Variants in ATP11A observed in about 807,000 individuals in gnomAD.
ATP11A encodes phospholipid-transporting ATPase IH.
Under a neutral mutation model 154.4 loss-of-function variants are expected in ATP11A, and 81 were observed. The observed-to-expected ratio is 0.52, with a 90% CI of 0.44 to 0.63. The LOEUF is 0.63. Among genes scored for constraint, ATP11A ranks in the 30% least tolerant of loss-of-function variants. The probability of loss-of-function intolerance (pLI) is 0.00; values close to 1 mark genes in which losing one functional copy is unlikely to be tolerated. For synonymous variants in ATP11A, 623 were observed against 585.9 expected, an observed-to-expected ratio of 1.06 and a Z score of -0.91; for missense variants, 1,316 against 1,474.3, an observed-to-expected ratio of 0.89 and a Z score of 1.76.
At chr13:112,798,821 G>A (rs2140107937) in intron 2 of ATP11A, among the ~76,000 whole-genome samples, 1 of 152,280 alleles carries the variant, frequency 6.6e-6, no homozygotes, top group Non-Finnish European at 1.5e-5. Context: ...TATTAATCCA[G>A]CTATATTAAT....
chr13:112,879,928 A>G (rs2080836176), intron 29 of ATP11A, among the ~76,000 whole-genome samples: 2 of 152,206 alleles, frequency 1.3e-5, no homozygotes, highest in African/African-American at 4.8e-5. Flanking sequence ...GCGTATCTGC[A>G]TGCAGTTCAC....
chr13:112,871,736 TATTTGGAAACTGGAC>T lies in ATP11A; in HGVS notation c.2994_3008del (p.Ile998_Thr1003delinsMet), dbSNP rs769437950. 1.9e-6 allele frequency: 3 copies of T among 1,613,626 alleles called. No homozygotes were observed. Among genetic ancestry groups the T allele is most frequent in the South Asian group, 2.2e-5 (2 of 91,066 alleles). On this transcript the variant is annotated inframe_deletion and splice_region_variant, in exon 26 of 30. Coordinates refer to ENST00000375645, the MANE Select transcript of ATP11A (RefSeq NM_015205.3). ...ACTTGGACTATTTTCCCCAAACAGATATTTGGAAACTGGACGTTTGGAACGCTGGTATTCACCGTG... is the reference window on the plus strand; with the variant it reads ...ACTTGGACTATTTTCCCCAAACAGATGTTTGGAACGCTGGTATTCACCGTG...
Position 112,875,692 on chromosome 13 carries a change from G to T in ATP11A, c.3162-84G>T, listed in dbSNP as rs2080700159. 6.8e-7 allele frequency: 1 copy of T among 1,471,692 alleles called. No homozygotes were observed. Among genetic ancestry groups the T allele is most frequent in the South Asian group, 1.3e-5 (1 of 77,980 alleles). 91.2% of individuals were successfully genotyped at this position (1,471,692 alleles called of 1,614,324 possible). ...TCACTGACAAAAGTGTAAACTCCCT[G>T]AACAGACGGCCTCTCCAGTGAGTAG... is the stretch of plus-strand genomic sequence containing the variant. On this transcript the variant is annotated intron_variant, in intron 27 of 29. Coordinates refer to ENST00000375645, the MANE Select transcript of ATP11A (RefSeq NM_015205.3). The surrounding 1 kb of genome is among the most constrained non-coding windows in gnomAD (Gnocchi z 4.1).
intron 1 of ATP11A, among the ~76,000 whole-genome samples, chr13:112,751,825 T>C (rs540641526): frequency 1.3e-5 from 2 of 152,032 alleles, no homozygotes; most frequent in South Asian, 4.2e-4. Context: ...GTTCCAGTGA[T>C]TCTCCCGCCT....
chr13:112,714,496 A>T (rs993639272), intron 1 of ATP11A, among the ~76,000 whole-genome samples: 11 of 152,052 alleles, frequency 7.2e-5, no homozygotes, highest in African/African-American at 2.7e-4. Context: ...AACCCTGCCC[A>T]GCTCTGGGCC....
rs7998551 is a variant in ATP11A at position 112,886,335 on chromosome 13, G to A, written c.*4469G>A. Reference sequence around the variant, plus strand: ...GCTGTCGCGGGAAACCTCCAGCCTTGTTCTTCAAACCACTCAGCTCATGTG... The same window carrying A: ...GCTGTCGCGGGAAACCTCCAGCCTTATTCTTCAAACCACTCAGCTCATGTG... On this transcript the variant is annotated 3_prime_UTR_variant, in exon 30 of 30. Transcript: ENST00000375645. The A allele has an allele frequency of 6.6e-6, 1 of 152,102 alleles. No individual in the cohort carries two copies. Among genetic ancestry groups the A allele is most frequent in the East Asian group, 1.9e-4 (1 of 5,192 alleles). The allele number at this position is 152,102 out of a possible 1,614,324, so 9.4% of individuals were successfully genotyped here.
intron 1 of ATP11A, among the ~76,000 whole-genome samples, chr13:112,742,971 T>C (rs753635219): frequency 6.6e-6 from 1 of 152,218 alleles, no homozygotes; most frequent in Non-Finnish European, 1.5e-5. Context: ...GATACAGAAC[T>C]CACCCTGTGA....
chr13:112,767,498 G>T (rs2077121876), intron 1 of ATP11A, among the ~76,000 whole-genome samples: 2 of 144,872 alleles, frequency 1.4e-5, no homozygotes, highest in African/African-American at 2.6e-5. Context: ...TGGAAAGGTG[G>T]GGAGGATGTA....
intron 2 of ATP11A, among the ~76,000 whole-genome samples, chr13:112,801,653 A>G (rs1451015160): frequency 6.6e-6 from 1 of 152,248 alleles, no homozygotes; most frequent in Non-Finnish European, 1.5e-5. Context: ...GAACAGTTGG[A>G]ATTTGAAATT....
intron 2 of ATP11A, among the ~76,000 whole-genome samples, chr13:112,797,464 ACC>A (rs1156322329): frequency 6.6e-6 from 1 of 152,156 alleles, no homozygotes; most frequent in Non-Finnish European, 1.5e-5. Flanking sequence ...AAAAGGGTAC[ACC>A]TAGACATATC....
chr13:112,738,786 C>T (rs1891251081), intron 1 of ATP11A, among the ~76,000 whole-genome samples: 1 of 144,154 alleles, frequency 6.9e-6, no homozygotes, highest in African/African-American at 2.5e-5. Context: ...GATGACTGTT[C>T]CCATAGAGGC....
chr13:112,752,168 A>C (rs1341947985), intron 1 of ATP11A, among the ~76,000 whole-genome samples: 1 of 152,118 alleles, frequency 6.6e-6, no homozygotes, highest in Non-Finnish European at 1.5e-5. Flanking sequence ...TTATGTCATA[A>C]ATGGCCTGCC....
chr13:112,849,654 G>T (rs2140319216), intron 17 of ATP11A, among the ~76,000 whole-genome samples: 1 of 152,314 alleles, frequency 6.6e-6, no homozygotes, highest in East Asian at 1.9e-4. Context: ...TGATCAACAG[G>T]TGCACAAAAG....
At chr13:112,713,643 T>TC (rs1594379657) in intron 1 of ATP11A, among the ~76,000 whole-genome samples, 1 of 152,192 alleles carries the variant, frequency 6.6e-6, no homozygotes, top group African/African-American at 2.4e-5. Flanking sequence ...CTTCTGAGAC[T>TC]CCATTTGTTT....
In ATP11A at chr13:112,807,950, A is replaced by G. The variant is rs747881048; in HGVS notation, c.333+1657A>G. On this transcript the variant is annotated intron_variant, in intron 4 of 29. Coordinates refer to ENST00000375645, the MANE Select transcript of ATP11A (RefSeq NM_015205.3). This position sits in a 1 kb window ranked among gnomAD's most constrained non-coding sequence, Gnocchi z 4.5. ...TGTTCTTCAGCGTCCTCTTCTCTGCATTTGTTAAGGATTCCATCCCTCCCG... is the reference window on the plus strand; with the variant it reads ...TGTTCTTCAGCGTCCTCTTCTCTGCGTTTGTTAAGGATTCCATCCCTCCCG... Among the ~76,000 whole-genome samples the G allele has an allele frequency of 6.6e-6, 1 of 152,032 alleles. No homozygotes were observed. The highest frequency in any genetic ancestry group is 1.5e-5 in the Non-Finnish European group (1 of 67,988).
At position 112,724,123 on chromosome 13, in the gene ATP11A, TCCCCCATCG is replaced by T. The variant is rs1249593075; in HGVS notation, c.39+33674_39+33682del. Among the ~76,000 whole-genome samples, 6 of 36,826 alleles carry T rather than the reference TCCCCCATCG, an allele frequency of 1.6e-4. 1 individual carries two copies. The South Asian group carries it at 3.4e-3, about 21-fold the overall frequency. 24.2% of individuals were successfully genotyped at this position (36,826 alleles called of 152,430 possible). On this transcript the variant is annotated intron_variant, in intron 1 of 29. Transcript: ENST00000375645. ...CCCCATCGCCCCCTTCGCCCCCTTCTCCCCCATCGCCCCCTTCACCCCCTTTGCCCCTAT... is the reference window on the plus strand; with the variant it reads ...CCCCATCGCCCCCTTCGCCCCCTTCTCCCCCTTCACCCCCTTTGCCCCTAT...
At chr13:112,762,385 T>A (rs2139882877) in intron 1 of ATP11A, among the ~76,000 whole-genome samples, 1 of 152,222 alleles carries the variant, frequency 6.6e-6, no homozygotes, top group Admixed American at 6.5e-5. Flanking sequence ...GAAAGGCCGC[T>A]GTTGGAAAGA....
At position 112,881,204 on chromosome 13, in the gene ATP11A, G is replaced by A. The variant is rs531617576; in HGVS notation, c.*10-672G>A. Reference sequence around the variant, plus strand: ...GGACGGCCCCTCATCAGACAGATGCGTGCTGCCGGCCTCCTGCCGCTCCCC... The same window carrying A: ...GGACGGCCCCTCATCAGACAGATGCATGCTGCCGGCCTCCTGCCGCTCCCC... On this transcript the variant is annotated intron_variant, in intron 29 of 29. Coordinates refer to ENST00000375645, the MANE Select transcript of ATP11A (RefSeq NM_015205.3). The A allele has an allele frequency of 5.6e-4, 558 of 989,476 alleles. 5 individuals are homozygous for A. The highest frequency in any genetic ancestry group is 5.3e-3 in the South Asian group (114 of 21,532). 61.3% of individuals were successfully genotyped at this position (989,476 alleles called of 1,614,324 possible).
chr13:112,873,218 T>C (rs9549588), intron 26 of ATP11A, among the ~76,000 whole-genome samples: 394 of 45,228 alleles, frequency 8.7e-3, no homozygotes, highest in African/African-American at 0.015. Context: ...TCTTCCTGAG[T>C]GGTGTGAGGT....
Sources: allele counts gnomAD v4.1 joint callset (sites outside exome capture counted in the v4.1 genomes callset), GRCh38; gene constraint gnomAD v4.1.1; non-coding constraint Gnocchi (gnomAD v3.1); transcripts MANE v1.5; gene names NCBI Gene and HGNC (gene_info 2026-07-23, HGNC 2026-07-21).